DCC: variants seen among roughly 807,000 people sequenced by gnomAD.
DCC encodes the protein DCC netrin 1 receptor, also known as netrin receptor DCC.
A neutral mutation model predicts 172.5 loss-of-function variants in DCC; 58 were observed. That is an observed-to-expected ratio of 0.34 (90% confidence interval 0.27 to 0.42). The LOEUF (loss-of-function observed/expected upper bound fraction) is 0.42. Ranked by LOEUF, DCC falls within the 10% of genes least tolerant of loss-of-function variation. DCC has a pLI of 1.00. For missense variants in DCC, 1,740 were observed against 1,791.0 expected, an observed-to-expected ratio of 0.97 and a Z score of 0.51; for synonymous variants, 709 against 644.5, an observed-to-expected ratio of 1.10 and a Z score of -1.52.
At chr18:53,311,212 C>T (rs553578891) in intron 13 of DCC, among the ~76,000 whole-genome samples, 65 of 152,154 alleles carry the variant, frequency 4.3e-4, no homozygotes, top group African/African-American at 1.5e-3. Flanking sequence ...ACCTCTGCCT[C>T]CCGGGTTCAA....
At chr18:53,438,715 G>A (rs1224181530) in intron 22 of DCC, among the ~76,000 whole-genome samples, 1 of 152,194 alleles carries the variant, frequency 6.6e-6, no homozygotes, top group Non-Finnish European at 1.5e-5. Flanking sequence ...TTTGACATGA[G>A]CATATAAGTC....
intron 1 of DCC, among the ~76,000 whole-genome samples, chr18:52,632,151 T>C (rs1399774481): frequency 4.6e-5 from 7 of 152,224 alleles, no homozygotes; most frequent in Non-Finnish European, 1.0e-4. Context: ...GCTCTGTTCC[T>C]TTGAGAATAA....
chr18:52,918,297 C>T (rs12457812), intron 3 of DCC, among the ~76,000 whole-genome samples: 62,996 of 151,854 alleles, frequency 0.41, 13,735 homozygotes, highest in South Asian at 0.66. Context: ...GCCCATATAA[C>T]GAGAACACAA....
intron 3 of DCC, among the ~76,000 whole-genome samples, chr18:52,910,506 A>C (rs2039956900): frequency 6.6e-6 from 1 of 152,126 alleles, no homozygotes; most frequent in African/African-American, 2.4e-5. Flanking sequence ...CATTTTTTAA[A>C]ATATCAATAA....
intron 25 of DCC, among the ~76,000 whole-genome samples, chr18:53,470,966 T>A (rs4940259): frequency 0.23 from 35,496 of 152,176 alleles, 4,646 homozygotes; most frequent in East Asian, 0.4. Context: ...TGCCTCTTCA[T>A]TCTGATTTCC....
At chr18:53,473,447 TATAA>T (rs2045723338) in intron 25 of DCC, among the ~76,000 whole-genome samples, 1 of 152,232 alleles carries the variant, frequency 6.6e-6, no homozygotes, top group African/African-American at 2.4e-5. Flanking sequence ...TTTTGTCAGT[TATAA>T]ATAGAATGTC....
At chr18:53,262,617 C>G (rs919809814) in intron 12 of DCC, among the ~76,000 whole-genome samples, 3 of 152,188 alleles carry the variant, frequency 2.0e-5, no homozygotes, top group Admixed American at 6.5e-5. Flanking sequence ...TATGTGTTCT[C>G]CTTCTGTTTA....
chr18:52,378,983 A>G (rs11660123), intron 1 of DCC, among the ~76,000 whole-genome samples: 43,032 of 152,064 alleles, frequency 0.28, 7,192 homozygotes, highest in Non-Finnish European at 0.39. Context: ...CCCTTGTTGT[A>G]GGAAAGGTAA....
At chr18:52,783,211 A>ACT (rs776534440) in intron 2 of DCC, among the ~76,000 whole-genome samples, 16 of 151,718 alleles carry the variant, frequency 1.1e-4, no homozygotes, top group Non-Finnish European at 2.4e-4. Context: ...GGACATTCCT[A>ACT]CTTGTTCTTT....
chr18:53,403,504 C>A (rs921440065), intron 19 of DCC, among the ~76,000 whole-genome samples: 3 of 152,094 alleles, frequency 2.0e-5, no homozygotes, highest in Admixed American at 6.5e-5. Flanking sequence ...CCATTAGAAG[C>A]CTGTAATGTT....
intron 2 of DCC, among the ~76,000 whole-genome samples, chr18:52,787,019 A>G (rs2037673167): frequency 6.6e-6 from 1 of 152,200 alleles, no homozygotes; most frequent in African/African-American, 2.4e-5. Context: ...TAGAGGAACT[A>G]GGCAGAGAGA....
At chr18:53,250,259 C>G (rs562179763) in intron 12 of DCC, among the ~76,000 whole-genome samples, 2 of 151,438 alleles carry the variant, frequency 1.3e-5, no homozygotes, top group African/African-American at 4.9e-5. Context: ...GTACTCCACA[C>G]GGGAAATTAT....
At chr18:52,506,662 T>C (rs552149702) in intron 1 of DCC, among the ~76,000 whole-genome samples, 2 of 152,262 alleles carry the variant, frequency 1.3e-5, no homozygotes, top group African/African-American at 4.8e-5. Flanking sequence ...TTTTTATGTC[T>C]ATAAATCCTC....
intron 15 of DCC, among the ~76,000 whole-genome samples, chr18:53,340,412 A>G (rs527522535): frequency 6.6e-6 from 1 of 152,288 alleles, no homozygotes; most frequent in South Asian, 2.1e-4. Context: ...CTGTGTCATT[A>G]TGACTGCAAA....
intron 2 of DCC, among the ~76,000 whole-genome samples, chr18:52,834,549 T>C (rs2116381): frequency 0.44 from 66,663 of 151,954 alleles, 14,823 homozygotes; most frequent in South Asian, 0.55. Context: ...TGAGCTCGTC[T>C]GGGGTGTTAC....
At chr18:52,590,226 A>T (rs929753472) in intron 1 of DCC, among the ~76,000 whole-genome samples, 4 of 151,392 alleles carry the variant, frequency 2.6e-5, no homozygotes, top group African/African-American at 9.7e-5. Context: ...ATTTGGTGCA[A>T]TTTTTTTCAA....
chr18:52,826,431 G>A (rs951179478), intron 2 of DCC, among the ~76,000 whole-genome samples: 1 of 152,070 alleles, frequency 6.6e-6, no homozygotes, highest in Non-Finnish European at 1.5e-5. Flanking sequence ...AAACATTTTG[G>A]AGTCTTGTTT....
At chr18:53,201,618 C>G (rs1176258959) in intron 9 of DCC, among the ~76,000 whole-genome samples, 1 of 152,100 alleles carries the variant, frequency 6.6e-6, no homozygotes. Flanking sequence ...AGTACTGTGA[C>G]CATCCACTTG....
At chr18:52,502,809 T>A (rs2031082316) in intron 1 of DCC, among the ~76,000 whole-genome samples, 1 of 152,262 alleles carries the variant, frequency 6.6e-6, no homozygotes, top group African/African-American at 2.4e-5. Context: ...CTCTGTATAT[T>A]TGGCATTTGG....
Sources: allele counts gnomAD v4.1 joint callset (sites outside exome capture counted in the v4.1 genomes callset), GRCh38; gene constraint gnomAD v4.1.1; transcripts MANE v1.5; gene names NCBI Gene and HGNC (gene_info 2026-07-23, HGNC 2026-07-21).